Variants in HACE1 observed in about 807,000 individuals in gnomAD.
The protein encoded by HACE1 is HECT domain and ankyrin repeat containing E3 ubiquitin protein ligase 1.
Under a neutral mutation model 118.4 loss-of-function variants are expected in HACE1, and 73 were observed. That is an observed-to-expected ratio of 0.62 (90% CI 0.51 to 0.75). HACE1 has a LOEUF of 0.75. HACE1 is among the 30% of genes least tolerant of loss of function. The pLI is 0.00. For synonymous variants in HACE1, 368 were observed against 374.8 expected (o/e 0.98, Z 0.21); for missense variants, 749 against 1,102.2 (o/e 0.68, Z 4.54).
chr6:104,841,648 C>T (rs1322210377), intron 5 of HACE1, among the ~76,000 whole-genome samples: 1 of 152,082 alleles, frequency 6.6e-6, no homozygotes, highest in Admixed American at 6.5e-5. Flanking sequence ...ATACCTCATT[C>T]CCCAATTTTT....
chr6:104,740,928 C>T (rs1183005967), intron 22 of HACE1, among the ~76,000 whole-genome samples: 30 of 126,010 alleles, frequency 2.4e-4, no homozygotes, highest in African/African-American at 9.2e-4. Flanking sequence ...ACTGGCAAAA[C>T]GAATCCAGCA....
rs1774180486 is a variant in HACE1 at position 104,833,191 on chromosome 6, T to G, written c.403-18A>C. On this transcript the variant is annotated intron_variant, in intron 5 of 23. Transcript: ENST00000262903. Reference sequence around the variant, plus strand: ...CAATGTATCTGTGAAGCCATTTAGTTACTTAACATTTGTGTAATAGTGTTT... The same window carrying G: ...CAATGTATCTGTGAAGCCATTTAGTGACTTAACATTTGTGTAATAGTGTTT... 1.9e-6 allele frequency: 3 copies of G among 1,609,980 alleles called. No individual in the cohort carries two copies. In the East Asian group the frequency reaches 6.7e-5, roughly 36 times the overall value.
At position 104,832,043 on chromosome 6, in the gene HACE1, AAAAAGAAAG is replaced by A. The variant is rs201341372; in HGVS notation, c.534+990_534+998del. The stretch of plus-strand genomic sequence containing the variant: ...GGAAGGAAGGAAGGAGAAAGAAAAG[AAAAAGAAAG>A]AAAAGAAAGAACTGTTACTTGTACC... On this transcript the variant is annotated intron_variant, in intron 6 of 23. Transcript: ENST00000262903. Among the ~76,000 whole-genome samples the A allele has an allele frequency of 1.3e-3, 197 of 151,290 alleles. 3 individuals are homozygous for A. In the East Asian group the frequency reaches 0.032, roughly 24 times the overall value.
intron 10 of HACE1, 98 bp downstream of exon 10, chr6:104,795,481 T>C (rs997128448): frequency 1.3e-6 from 1 of 792,088 alleles, no homozygotes; most frequent in Non-Finnish European, 2.2e-6. Flanking sequence ...ATAACATCGT[T>C]ATCACTGACA....
At chr6:104,762,244 G>A (rs1034892589) in intron 19 of HACE1, among the ~76,000 whole-genome samples, 2 of 152,118 alleles carry the variant, frequency 1.3e-5, no homozygotes, top group Non-Finnish European at 2.9e-5. Flanking sequence ...AAAGACACAC[G>A]CACACGTATG....
intron 19 of HACE1, among the ~76,000 whole-genome samples, chr6:104,757,628 C>A (rs1215326368): frequency 6.6e-6 from 1 of 152,142 alleles, no homozygotes; most frequent in Non-Finnish European, 1.5e-5. Flanking sequence ...AAAACCAGAA[C>A]ACCTCTTCAC....
At chr6:104,794,304 TATATA>T (rs776995224) in intron 10 of HACE1, among the ~76,000 whole-genome samples, 3 of 152,214 alleles carry the variant, frequency 2.0e-5, no homozygotes, top group Non-Finnish European at 4.4e-5. Context: ...TGTGGAAGTA[TATATA>T]ATATGACAAA....
At chr6:104,735,575 G>A (rs1365084147) in intron 22 of HACE1, among the ~76,000 whole-genome samples, 1 of 151,940 alleles carries the variant, frequency 6.6e-6, no homozygotes, top group Admixed American at 6.5e-5. Context: ...AGCTTACAGT[G>A]AGCCGAGATG....
chr6:104,832,950 A>G (rs1774153948), intron 6 of HACE1, 92 bp downstream of exon 6: 1 of 1,184,178 alleles, frequency 8.4e-7, no homozygotes, highest in East Asian at 2.3e-5. Context: ...ATAATGCTTC[A>G]TGTTCCCAAA....
intron 22 of HACE1, among the ~76,000 whole-genome samples, chr6:104,735,605 T>TGGGC (rs1201568159): frequency 1.3e-5 from 2 of 151,440 alleles, no homozygotes; most frequent in African/African-American, 4.9e-5. Flanking sequence ...CACTCCAGCC[T>TGGGC]GGACGACAGA....
At chr6:104,831,995 GA>G (rs1562471518) in intron 6 of HACE1, among the ~76,000 whole-genome samples, 2 of 109,270 alleles carry the variant, frequency 1.8e-5, no homozygotes, top group African/African-American at 3.1e-5. Flanking sequence ...AGGAAGGAAG[GA>G]AGGAAGGAAG....
intron 10 of HACE1, among the ~76,000 whole-genome samples, chr6:104,794,771 G>A (rs1398408728): frequency 6.6e-6 from 1 of 152,144 alleles, no homozygotes; most frequent in Non-Finnish European, 1.5e-5. Flanking sequence ...CGGGCGTGGT[G>A]GTGTGTGCCT....
intron 5 of HACE1, among the ~76,000 whole-genome samples, chr6:104,834,642 G>A (rs1774346804): frequency 6.6e-6 from 1 of 152,166 alleles, no homozygotes; most frequent in South Asian, 2.1e-4. Context: ...AAGATACAGA[G>A]GAGAGAACAG....
intron 14 of HACE1, among the ~76,000 whole-genome samples, chr6:104,781,229 G>A (rs536275491): frequency 6.6e-6 from 1 of 152,128 alleles, no homozygotes; most frequent in South Asian, 2.1e-4. Context: ...TCCTGTTTAT[G>A]TTGCCATCAT....
chr6:104,735,449 G>C (rs931969970), intron 22 of HACE1, among the ~76,000 whole-genome samples: 5 of 152,080 alleles, frequency 3.3e-5, no homozygotes, highest in African/African-American at 1.2e-4. Context: ...TGGCTAACAA[G>C]GTGAAACCCC....
At chr6:104,737,562 G>T (rs944932103) in intron 22 of HACE1, among the ~76,000 whole-genome samples, 2 of 152,172 alleles carry the variant, frequency 1.3e-5, no homozygotes, top group African/African-American at 4.8e-5. Context: ...AAAGAAAGGG[G>T]TGACAGACGG....
intron 17 of HACE1, among the ~76,000 whole-genome samples, chr6:104,776,354 A>G (rs1441729810): frequency 6.6e-6 from 1 of 152,222 alleles, no homozygotes; most frequent in Non-Finnish European, 1.5e-5. Flanking sequence ...AAGGCCATCT[A>G]CAAGCACCAT....
chr6:104,843,339 A>AT, intron 4 of HACE1, 41 bp from the exon 5 acceptor site: 1 of 868,078 alleles, frequency 1.2e-6, no homozygotes, highest in South Asian at 1.3e-5. Flanking sequence ...GTACTTAAAA[A>AT]ATATATGCAA....
intron 6 of HACE1, among the ~76,000 whole-genome samples, chr6:104,832,377 G>GTTTTTT: frequency 8.0e-6 from 1 of 124,356 alleles, no homozygotes; most frequent in East Asian, 2.7e-4. Context: ...CTATTTTCCT[G>GTTTTTT]TTTTTTGTTG....
Sources: gnomAD v4.1 joint callset for allele counts (sites outside exome capture counted in the v4.1 genomes callset) on GRCh38, gnomAD v4.1.1 for gene constraint, MANE v1.5 for transcripts, NCBI Gene and HGNC (gene_info 2026-07-23, HGNC 2026-07-21) for gene names.